CBLN2: variants seen among roughly 807,000 people sequenced by gnomAD.
The protein encoded by CBLN2 is cerebellin 2 precursor.
In CBLN2, 7 loss-of-function variants were observed where a neutral mutation model predicts 15.0. The ratio of observed to expected loss-of-function variants is 0.47; its 90% CI spans 0.27 to 0.88. The LOEUF is 0.88. Among genes scored for constraint, CBLN2 ranks in the 40% least tolerant of loss-of-function variants. The pLI is 0.14. For synonymous variants in CBLN2, 149 were observed against 135.2 expected (o/e 1.10, Z -0.71); for missense variants, 242 against 304.5 (o/e 0.79, Z 1.53).
intron 1 of CBLN2, among the ~76,000 whole-genome samples, chr18:72,555,447 C>CAT (rs1555701517): frequency 1.3e-5 from 2 of 149,578 alleles, no homozygotes; most frequent in African/African-American, 4.9e-5. Flanking sequence ...TGTGTGTGGG[C>CAT]GTGTGTGTGT....
chr18:72,566,819 T>C (rs942457328), intron 1 of CBLN2, among the ~76,000 whole-genome samples: 4 of 151,928 alleles, frequency 2.6e-5, no homozygotes, highest in African/African-American at 7.3e-5. Context: ...AGAAATGTTG[T>C]TGTTATTATT....
intron 1 of CBLN2, among the ~76,000 whole-genome samples, chr18:72,549,977 T>C (rs1381898867): frequency 1.3e-5 from 2 of 152,156 alleles, no homozygotes; most frequent in Non-Finnish European, 2.9e-5. Flanking sequence ...GCAGAGGGAA[T>C]GGTGAGATTT....
chr18:72,586,460 A>G (rs1044683884), intron 1 of CBLN2, among the ~76,000 whole-genome samples: 4 of 152,240 alleles, frequency 2.6e-5, no homozygotes, highest in African/African-American at 9.6e-5. Flanking sequence ...TGCTGAGGCT[A>G]GAAGAGAGTG....
intron 1 of CBLN2, among the ~76,000 whole-genome samples, chr18:72,551,594 T>A (rs2069192573): frequency 1.3e-5 from 2 of 152,182 alleles, no homozygotes; most frequent in Non-Finnish European, 1.5e-5. Context: ...AGTCTATATG[T>A]CTGCATGGAG....
chr18:72,592,732 C>T (rs370327221), intron 1 of CBLN2, among the ~76,000 whole-genome samples: 2 of 152,116 alleles, frequency 1.3e-5, no homozygotes, highest in African/African-American at 4.8e-5. Flanking sequence ...TTCCCCAGCA[C>T]CATTTAATGC....
intron 1 of CBLN2, chr18:72,618,709 G>A (rs1418165197): frequency 1.4e-6 from 1 of 724,408 alleles, no homozygotes; most frequent in Non-Finnish European, 2.5e-6. Context: ...AAGGCGCTTT[G>A]CCTTCATAAT....
intron 1 of CBLN2, among the ~76,000 whole-genome samples, chr18:72,596,069 G>A (rs1485071580): frequency 6.6e-6 from 1 of 151,904 alleles, no homozygotes; most frequent in African/African-American, 2.4e-5. Context: ...CTGCCATTTT[G>A]TTACTTTTTT....
At chr18:72,573,867 T>G (rs2069347570) in intron 1 of CBLN2, among the ~76,000 whole-genome samples, 1 of 152,222 alleles carries the variant, frequency 6.6e-6, no homozygotes, top group Admixed American at 6.5e-5. Flanking sequence ...CAACACTATC[T>G]TCTGAAGTGT....
chr18:72,623,407 C>A (rs2069714069), intron 1 of CBLN2, among the ~76,000 whole-genome samples: 1 of 152,116 alleles, frequency 6.6e-6, no homozygotes, highest in Non-Finnish European at 1.5e-5. Context: ...CTCCCTTTTT[C>A]TGTATTTTCT....
intron 1 of CBLN2, among the ~76,000 whole-genome samples, chr18:72,602,145 C>T (rs1421708607): frequency 6.6e-5 from 10 of 152,212 alleles, no homozygotes; most frequent in Non-Finnish European, 1.0e-4. Context: ...TCCGGTCCCC[C>T]CAGAAGTGGT....
intron 1 of CBLN2, among the ~76,000 whole-genome samples, chr18:72,609,012 C>G (rs564065025): frequency 3.9e-5 from 6 of 152,280 alleles, no homozygotes; most frequent in African/African-American, 1.4e-4. Context: ...ATTATCTTCA[C>G]TTGGCCCCAG....
At chr18:72,591,450 G>T (rs1239034069) in intron 1 of CBLN2, among the ~76,000 whole-genome samples, 1 of 152,022 alleles carries the variant, frequency 6.6e-6, no homozygotes, top group Non-Finnish European at 1.5e-5. Context: ...TCACATCACT[G>T]TAAATAAGGT....
chr18:72,541,145 A>T (rs2069107075), intron 3 of CBLN2, among the ~76,000 whole-genome samples: 1 of 152,178 alleles, frequency 6.6e-6, no homozygotes, highest in African/African-American at 2.4e-5. Flanking sequence ...TCTTTTAAAA[A>T]ATTTGTACCA....
chr18:72,569,007 T>C lies in CBLN2; in HGVS notation c.16-30235A>G, dbSNP rs72634441. ...TATGAATGAGTGAAGTTCCAATTTGTGGATTTGCTGTTTCCCATTTGTTTC... is the reference window on the plus strand; with the variant it reads ...TATGAATGAGTGAAGTTCCAATTTGCGGATTTGCTGTTTCCCATTTGTTTC... On this transcript the variant is annotated intron_variant, in intron 1 of 2. Transcript: ENST00000581073. Among the ~76,000 whole-genome samples, 7,658 of 152,266 alleles carry C rather than the reference T, an allele frequency of 0.05. 843 individuals are homozygous for C. In the East Asian group the frequency reaches 0.51, roughly 10 times the overall value.
intron 1 of CBLN2, among the ~76,000 whole-genome samples, chr18:72,600,652 A>G (rs116868851): frequency 6.6e-6 from 1 of 152,324 alleles, no homozygotes; most frequent in East Asian, 1.9e-4. Flanking sequence ...GACAAAATCA[A>G]TTCACTGAGA....
intron 1 of CBLN2, among the ~76,000 whole-genome samples, chr18:72,620,044 C>T (rs1247552563): frequency 2.0e-5 from 3 of 152,226 alleles, no homozygotes; most frequent in Non-Finnish European, 2.9e-5. Context: ...CTTTTGGGCA[C>T]CAGCAGGAAC....
At chr18:72,549,052 C>A (rs1218222131), upstream of CBLN2, among the ~76,000 whole-genome samples, 1 of 151,938 alleles carries the variant, frequency 6.6e-6, no homozygotes, top group Non-Finnish European at 1.5e-5. Flanking sequence ...TGCTCTGTCA[C>A]CCAGACCGGA....
intron 1 of CBLN2, among the ~76,000 whole-genome samples, chr18:72,572,904 G>A (rs895648941): frequency 4.6e-5 from 7 of 151,906 alleles, no homozygotes; most frequent in Middle Eastern, 3.2e-3. Context: ...GTATGCTAAA[G>A]AATAAGAAAG....
intron 1 of CBLN2, among the ~76,000 whole-genome samples, chr18:72,635,912 A>AT (rs2069809204): frequency 6.6e-6 from 1 of 152,202 alleles, no homozygotes; most frequent in South Asian, 2.1e-4. Context: ...AAATGTTTCT[A>AT]TAAAGGAATG....
Sources: allele counts gnomAD v4.1 joint callset (sites outside exome capture counted in the v4.1 genomes callset), GRCh38; gene constraint gnomAD v4.1.1; transcripts MANE v1.5; gene names NCBI Gene and HGNC (gene_info 2026-07-23, HGNC 2026-07-21).